Variants in PLAAT5 observed in about 807,000 individuals in gnomAD.
The protein encoded by PLAAT5 is Ca(2+)-independent N-acyltransferase.
In PLAAT5, 27 loss-of-function variants were observed where a neutral mutation model predicts 27.8. That is an observed-to-expected ratio of 0.97 (90% CI 0.72 to 1.34). The LOEUF (loss-of-function observed/expected upper bound fraction) is 1.34. Among genes scored for constraint, PLAAT5 ranks in the 40% most tolerant of loss-of-function variants. The pLI, the probability that PLAAT5 is intolerant of heterozygous loss-of-function variation, is 0.00. For missense variants in PLAAT5, 368 were observed against 343.8 expected (o/e 1.07, Z -0.56); for synonymous variants, 125 against 136.1 (o/e 0.92, Z 0.57).
chr11:63,473,706 G>GTTTTTTTTTT (rs201090137), intron 3 of PLAAT5, among the ~76,000 whole-genome samples: 3 of 117,680 alleles, frequency 2.5e-5, no homozygotes, highest in African/African-American at 5.9e-5. Context: ...TTTTTTTGTT[G>GTTTTTTTTTT]TTTTTTTTTT....
At chr11:63,490,501 C>G in intron 1 of PLAAT5, 168 bp from the exon 2 acceptor site, 2 of 1,060,064 alleles carry the variant, frequency 1.9e-6, no homozygotes, top group Non-Finnish European at 2.8e-6. Flanking sequence ...GAACTAGGTG[C>G]TGGAGCGGGT....
In PLAAT5 at chr11:63,490,885, AC is replaced by A. The variant is rs1288108641; in HGVS notation, c.148+1del. On this transcript the variant is annotated splice_donor_variant, in intron 1 of 5. Coordinates refer to ENST00000540857, the MANE Select transcript of PLAAT5 (RefSeq NM_001146729.2). LOFTEE classifies it high-confidence loss of function. ...TCCTTCAGCCGCATTCTTGGGGCTG[AC>A]CTGAGTGGGGCACAGCTGAACGTCT... 1 of 1,601,634 alleles carries A rather than the reference AC, an allele frequency of 6.2e-7. No homozygotes were observed. Among genetic ancestry groups the A allele is most frequent in the Admixed American group, 1.7e-5 (1 of 58,486 alleles).
In PLAAT5 at chr11:63,491,059, C is replaced by T; in HGVS notation, c.-25G>A. On this transcript the variant is annotated 5_prime_UTR_variant, in exon 1 of 6. Transcript: ENST00000540857. ...TCCCGCCTCTGCGGCCTCGCCGGCC[C>T]CCAGGCCTTGCAGGGGACTACGCCC... is the stretch of plus-strand genomic sequence containing the variant. 3.5e-6 allele frequency: 5 copies of T among 1,419,360 alleles called. No individual in the cohort carries two copies. The African/African-American group carries it at 4.5e-5, about 13-fold the overall frequency. 87.9% of individuals were successfully genotyped at this position (1,419,360 alleles called of 1,614,324 possible). A position where few individuals can be genotyped will look rare whatever the true frequency, so the allele number is the denominator to read the frequency against.
At chr11:63,477,702 T>C (rs1250161533) in intron 3 of PLAAT5, among the ~76,000 whole-genome samples, 1 of 152,166 alleles carries the variant, frequency 6.6e-6, no homozygotes, top group Non-Finnish European at 1.5e-5. Flanking sequence ...CTCGAACTCC[T>C]GACCTCATGA....
chr11:63,468,700 C>A (rs573727230), intron 3 of PLAAT5, among the ~76,000 whole-genome samples: 7 of 152,298 alleles, frequency 4.6e-5, no homozygotes, highest in African/African-American at 1.7e-4. Context: ...CAATGTATTG[C>A]CTCTCAGCTG....
intron 3 of PLAAT5, among the ~76,000 whole-genome samples, chr11:63,479,449 A>C (rs1164735542): frequency 1.3e-5 from 2 of 152,266 alleles, no homozygotes; most frequent in Non-Finnish European, 2.9e-5. Context: ...ATTTTAAAAA[A>C]TCAAGTCAGG....
intron 3 of PLAAT5, among the ~76,000 whole-genome samples, chr11:63,483,835 A>G (rs1262781699): frequency 4.1e-5 from 5 of 120,770 alleles, no homozygotes; most frequent in Non-Finnish European, 7.1e-5. Flanking sequence ...ATATATATAT[A>G]TATATATACA....
chr11:63,480,367 C>T (rs1381579018), intron 3 of PLAAT5, among the ~76,000 whole-genome samples: 1 of 152,162 alleles, frequency 6.6e-6, no homozygotes, highest in African/African-American at 2.4e-5. Flanking sequence ...CTTTGTGGTA[C>T]AGAAAACAGA....
At position 63,483,801 on chromosome 11, in the gene PLAAT5, GT is replaced by G. The variant is rs2016354067; in HGVS notation, c.345+5069del. Among the ~76,000 whole-genome samples the G allele has an allele frequency of 8.4e-3, 202 of 24,156 alleles. 8 individuals are homozygous for G. Among genetic ancestry groups the G allele is most frequent in the African/African-American group, 0.027 (199 of 7,342 alleles). The allele number at this position is 24,156 out of a possible 152,430, so 15.8% of individuals were successfully genotyped here. A position where few individuals can be genotyped will look rare whatever the true frequency, so the allele number is the denominator to read the frequency against. On this transcript the variant is annotated intron_variant, in intron 3 of 5. Transcript: ENST00000540857. ...AAAAAAAAAATATATATATATATAT[GT>G]ATATATATATATATATATATATATA...
At chr11:63,478,579 C>T (rs1158159129) in intron 3 of PLAAT5, among the ~76,000 whole-genome samples, 3 of 152,224 alleles carry the variant, frequency 2.0e-5, no homozygotes, top group East Asian at 3.9e-4. Flanking sequence ...TCCCAAAGTG[C>T]TGGGATTACA....
chr11:63,483,637 ATGCCT>A (rs2016337113), intron 3 of PLAAT5, among the ~76,000 whole-genome samples: 1 of 133,760 alleles, frequency 7.5e-6, no homozygotes, highest in Non-Finnish European at 1.6e-5. Context: ...ATAGCATTAA[ATGCCT>A]ACACCAAAAA....
At chr11:63,482,425 A>T (rs2016308554) in intron 3 of PLAAT5, among the ~76,000 whole-genome samples, 1 of 152,222 alleles carries the variant, frequency 6.6e-6, no homozygotes, top group South Asian at 2.1e-4. Flanking sequence ...CTCAGCAGAA[A>T]CCCTGCAAAA....
rs2015739216 is a variant in PLAAT5 at position 63,462,302 on chromosome 11, G to A, written c.*1201C>T. The stretch of plus-strand genomic sequence containing the variant: ...CTGATTCTCAGGCAGGGGAGTGTGA[G>A]AAGAAATGGGGAAGAGGAACTAGGG... On this transcript the variant is annotated 3_prime_UTR_variant, in exon 6 of 6. Transcript: ENST00000540857. The A allele has an allele frequency of 6.6e-6, 1 of 152,234 alleles. No individual in the cohort carries two copies. The highest frequency in any genetic ancestry group is 2.1e-4 in the South Asian group (1 of 4,820). 9.4% of individuals were successfully genotyped at this position (152,234 alleles called of 1,614,324 possible). A position where few individuals can be genotyped will look rare whatever the true frequency, so the allele number is the denominator to read the frequency against.
chr11:63,469,143 T>A (rs113738995), intron 3 of PLAAT5, among the ~76,000 whole-genome samples: 6,015 of 139,178 alleles, frequency 0.043, 149 homozygotes, highest in African/African-American at 0.073. Context: ...TGTGTGTGTG[T>A]GTGAGAGAGA....
At chr11:63,488,427 T>C (rs930250272) in intron 3 of PLAAT5, among the ~76,000 whole-genome samples, 3 of 152,200 alleles carry the variant, frequency 2.0e-5, no homozygotes, top group Admixed American at 1.3e-4. Flanking sequence ...CACTGGCATA[T>C]ATATATGCCA....
chr11:63,474,593 T>C (rs1448614292), intron 3 of PLAAT5, among the ~76,000 whole-genome samples: 1 of 152,098 alleles, frequency 6.6e-6, no homozygotes, highest in African/African-American at 2.4e-5. Flanking sequence ...TTTGTCTATT[T>C]TACCTTTCCA....
chr11:63,479,605 T>C (rs1270244172), intron 3 of PLAAT5, among the ~76,000 whole-genome samples: 1 of 152,218 alleles, frequency 6.6e-6, no homozygotes, highest in Non-Finnish European at 1.5e-5. Flanking sequence ...AGAAGTTATT[T>C]AGCCTAATTT....
At position 63,488,889 on chromosome 11, in the gene PLAAT5, T is replaced by C. The variant is rs1460084323; in HGVS notation, c.327A>G (p.Leu109=). The change falls in exon 3 of 6, where the codon TTA becomes TTG. Residue 109 remains leucine, a synonymous_variant. Coordinates refer to ENST00000540857, the MANE Select transcript of PLAAT5 (RefSeq NM_001146729.2). ...CACCTACCTCAGCTGCTTGCTTTAT[T>C]AACTTGCCTTCATTCTCAGGCTTTG... The part of the protein sequence containing the change: ...SIPKPENEGK[L]IKQAAEGKPR... 6.2e-7 allele frequency: 1 copy of C among 1,613,228 alleles called. No individual in the cohort carries two copies. The highest frequency in any genetic ancestry group is 2.2e-5 in the East Asian group (1 of 44,868).
Position 63,463,550 on chromosome 11 carries a change from T to C in PLAAT5, c.763A>G (p.Ile255Val), listed in dbSNP as rs142358923. The change falls in exon 6 of 6, where the codon ATT becomes GTT. Residue 255 changes from isoleucine (I) to valine (V), a missense_variant. Physicochemically the swap from Ile to Val is conservative, Grantham distance 29. Transcript: ENST00000540857. ...TTTATGCTATCCACTACAGCTGAAA[T>C]AACTGCTCCAGCAGCCTTCGCTCCT... is the stretch of plus-strand genomic sequence containing the variant. ...MEGAKAAGAV[I>V]SAVVDSIKPK... 2.8e-4 allele frequency: 444 copies of C among 1,613,798 alleles called. No individual in the cohort carries two copies. Among genetic ancestry groups the C allele is most frequent in the Non-Finnish European group, 3.6e-4 (426 of 1,180,026 alleles).
Sources: allele counts gnomAD v4.1 joint callset (sites outside exome capture counted in the v4.1 genomes callset), GRCh38; gene constraint gnomAD v4.1.1; transcripts MANE v1.5; gene names NCBI Gene and HGNC (gene_info 2026-07-23, HGNC 2026-07-21).